Variants in PKNOX1 observed in about 807,000 individuals in gnomAD.
PKNOX1 encodes the protein PBX/knotted 1 homeobox 1.
Under a neutral mutation model 51.9 loss-of-function variants are expected in PKNOX1, and 15 were observed. That is an observed-to-expected ratio of 0.29 (90% CI 0.19 to 0.45). PKNOX1 has a LOEUF of 0.45. Among genes scored for constraint, PKNOX1 ranks in the 20% least tolerant of loss-of-function variants. The pLI is 1.00. For synonymous variants in PKNOX1, 219 were observed against 211.1 expected, an observed-to-expected ratio of 1.04 and a Z score of -0.32; for missense variants, 462 against 547.5, an observed-to-expected ratio of 0.84 and a Z score of 1.56.
chr21:43,004,917 T>G (rs1978922658), intron 2 of PKNOX1, among the ~76,000 whole-genome samples: 1 of 152,184 alleles, frequency 6.6e-6, no homozygotes, highest in South Asian at 2.1e-4. Flanking sequence ...TGGATGGTTG[T>G]GCCATACACG....
Position 43,032,314 on chromosome 21 carries a change from T to TTCCCTCACCACCATCCGTCTCTTCG in PKNOX1, c.*2225_*2226insATCCGTCTCTTCGTCCCTCACCACC. 2.4e-6 allele frequency: 1 copy of TTCCCTCACCACCATCCGTCTCTTCG among 414,962 alleles called. No homozygotes were observed. The highest frequency in any genetic ancestry group is 1.7e-5 in the South Asian group (1 of 59,046). 25.7% of individuals were successfully genotyped at this position (414,962 alleles called of 1,614,324 possible). A position where few individuals can be genotyped will look rare whatever the true frequency, so the allele number is the denominator to read the frequency against. ...ATGAAAGCCAGCCAGCCCTTCCTCC[T>TTCCCTCACCACCATCCGTCTCTTCG]TCCCTCACCACCCTCCGTCTCTTCG... On this transcript the variant is annotated 3_prime_UTR_variant, in exon 11 of 11. Coordinates refer to ENST00000291547, the MANE Select transcript of PKNOX1 (RefSeq NM_004571.5).
chr21:43,014,385 T>C (rs8129489), intron 5 of PKNOX1, among the ~76,000 whole-genome samples: 14,445 of 152,220 alleles, frequency 0.095, 822 homozygotes, highest in Non-Finnish European at 0.12. Context: ...TCTTTGCTTA[T>C]TGTAGATACT....
chr21:43,023,064 C>T (rs150617945), intron 8 of PKNOX1, among the ~76,000 whole-genome samples: 46 of 152,116 alleles, frequency 3.0e-4, no homozygotes, highest in African/African-American at 1.1e-3. Context: ...TCCTGTGGGG[C>T]GTCCTCAGTC....
chr21:43,025,020 G>T, intron 9 of PKNOX1, 73 bp downstream of exon 9: 1 of 899,224 alleles, frequency 1.1e-6, no homozygotes, highest in South Asian at 1.4e-5. Context: ...ACCAATACAT[G>T]GTGAAATCTT....
chr21:42,997,908 G>T (rs1191663707), intron 1 of PKNOX1, among the ~76,000 whole-genome samples: 1 of 152,078 alleles, frequency 6.6e-6, no homozygotes, highest in African/African-American at 2.4e-5. Flanking sequence ...TGCGGAAGGG[G>T]GTCAGTAAGG....
chr21:43,014,966 A>G (rs934283108), intron 5 of PKNOX1, among the ~76,000 whole-genome samples: 4 of 152,264 alleles, frequency 2.6e-5, no homozygotes, highest in Non-Finnish European at 4.4e-5. Flanking sequence ...GAGAATTGAC[A>G]TCTTTACTGC....
intron 2 of PKNOX1, 50 bp from the exon 3 acceptor site, chr21:43,007,441 C>G (rs753007554): frequency 2.5e-6 from 4 of 1,586,650 alleles, no homozygotes; most frequent in Non-Finnish European, 3.5e-6. Flanking sequence ...CATGGAATAC[C>G]TCGTAGTAGT....
In PKNOX1 at chr21:43,009,024, G is replaced by A. The variant is rs190689921; in HGVS notation, c.180-1029G>A. On this transcript the variant is annotated intron_variant, in intron 3 of 10. Transcript: ENST00000291547. ...AATGCAAGAATATTTAGCAGTAAAA[G>A]GAATGAAGTGGCGGGCGCGGTGGCT... is the stretch of plus-strand genomic sequence containing the variant. 1.2e-4 allele frequency among the ~76,000 whole-genome samples: 18 copies of A among 152,240 alleles called. No homozygotes were observed. In the East Asian group the frequency reaches 3.5e-3, roughly 29 times the overall value.
chr21:43,028,881 G>T lies in PKNOX1; in HGVS notation c.1099+7G>T, dbSNP rs372679541. On this transcript the variant is annotated splice_region_variant and intron_variant, in intron 10 of 10. Coordinates refer to ENST00000291547, the MANE Select transcript of PKNOX1 (RefSeq NM_004571.5). The stretch of plus-strand genomic sequence containing the variant: ...GAGCTCACCATGTCGGAAGGTACAG[G>T]TGGCCGGCCAAGGCCAGACATGGTG... 222 of 1,613,988 alleles carry T rather than the reference G, an allele frequency of 1.4e-4. No homozygotes were observed. The highest frequency in any genetic ancestry group is 1.6e-4 in the Non-Finnish European group (191 of 1,179,972).
At chr21:43,017,726 C>T (rs547635646) in intron 6 of PKNOX1, 20 of 168,124 alleles carry the variant, frequency 1.2e-4, no homozygotes, top group Non-Finnish European at 1.7e-4. Context: ...GTGTGTGAGC[C>T]GGGCTGTGTG....
intron 1 of PKNOX1, among the ~76,000 whole-genome samples, chr21:42,987,382 C>CAAAAAAA (rs1181890321): frequency 2.7e-4 from 13 of 47,894 alleles, no homozygotes; most frequent in African/African-American, 5.1e-4. Context: ...AACTCCCTCT[C>CAAAAAAA]AAAAAAAAAA....
At chr21:43,029,577 G>A (rs1440570652) in intron 10 of PKNOX1, among the ~76,000 whole-genome samples, 7 of 151,652 alleles carry the variant, frequency 4.6e-5, no homozygotes, top group South Asian at 2.1e-4. Context: ...AGCTACAGGT[G>A]CCTGCCACCA....
In PKNOX1 at chr21:43,021,516, C is replaced by G; in HGVS notation, c.849+85C>G. The stretch of plus-strand genomic sequence containing the variant: ...TATGTGTCATGGAAAAGGGTTACTT[C>G]TCTGGGCTCAGAAAATCAAAGGCCT... On this transcript the variant is annotated intron_variant, in intron 8 of 10. Coordinates refer to ENST00000291547, the MANE Select transcript of PKNOX1 (RefSeq NM_004571.5). This position sits in a 1 kb window ranked among gnomAD's most constrained non-coding sequence, Gnocchi z 4.6. 1.4e-6 allele frequency: 2 copies of G among 1,434,114 alleles called. No homozygotes were observed. The highest frequency in any genetic ancestry group is 1.9e-6 in the Non-Finnish European group (2 of 1,068,132). 88.8% of individuals were successfully genotyped at this position (1,434,114 alleles called of 1,614,324 possible).
chr21:43,013,671 ACT>A, intron 5 of PKNOX1, among the ~76,000 whole-genome samples: 1 of 151,510 alleles, frequency 6.6e-6, no homozygotes, highest in Non-Finnish European at 1.5e-5. Flanking sequence ...TCAAACTCAA[ACT>A]CTGACCCCAT....
At chr21:42,974,685 T>TCCGCCG (rs959171097) in intron 1 of PKNOX1, 21 bp downstream of exon 1, 4 of 164,162 alleles carry the variant, frequency 2.4e-5, no homozygotes, top group East Asian at 1.8e-4. Context: ...ACTCAACCGC[T>TCCGCCG]CCGCCGCCGC....
chr21:42,976,282 T>C (rs2058997201), intron 1 of PKNOX1, among the ~76,000 whole-genome samples: 1 of 152,238 alleles, frequency 6.6e-6, no homozygotes, highest in African/African-American at 2.4e-5. Flanking sequence ...AAAAAATATT[T>C]TAGTGCTAAA....
chr21:43,001,485 T>C (rs930466585), intron 1 of PKNOX1, among the ~76,000 whole-genome samples: 3 of 152,166 alleles, frequency 2.0e-5, no homozygotes, highest in African/African-American at 7.2e-5. Flanking sequence ...ACATCCTTGG[T>C]CCTCCTTCTC....
Position 43,007,485 on chromosome 21 carries a change from T to C in PKNOX1, c.52-6T>C. Reference sequence around the variant, plus strand: ...GCTAATAAGAATTATCTTCCTCCTTTTACAGATGCAAGTAGTAACAGAGTT... The same window carrying C: ...GCTAATAAGAATTATCTTCCTCCTTCTACAGATGCAAGTAGTAACAGAGTT... On this transcript the variant is annotated splice_region_variant and splice_polypyrimidine_tract_variant and intron_variant, in intron 2 of 10. Transcript: ENST00000291547. 6.2e-7 allele frequency: 1 copy of C among 1,613,534 alleles called. No homozygotes were observed. The highest frequency in any genetic ancestry group is 1.7e-4 in the Middle Eastern group (1 of 6,056).
intron 3 of PKNOX1, among the ~76,000 whole-genome samples, chr21:43,008,061 TCACACACACACA>T (rs56932866): frequency 4.1e-5 from 6 of 146,886 alleles, no homozygotes; most frequent in East Asian, 2.0e-4. Flanking sequence ...CAAAACTCTG[TCACACACACACA>T]CACACACACA....
Sources: allele counts gnomAD v4.1 joint callset (sites outside exome capture counted in the v4.1 genomes callset), GRCh38; gene constraint gnomAD v4.1.1; non-coding constraint Gnocchi (gnomAD v3.1); transcripts MANE v1.5; gene names NCBI Gene and HGNC (gene_info 2026-07-23, HGNC 2026-07-21).